The following GLI3 variants were observed in gnomAD, a reference collection of about 807,000 sequenced individuals.
The protein encoded by GLI3 is GLI family zinc finger 3, also known as transcription activator GLI3.
GLI3 carries 20 observed loss-of-function variants against 100.8 expected under a neutral mutation model. That is an observed-to-expected ratio of 0.20 (90% confidence interval 0.14 to 0.29). GLI3 has a LOEUF of 0.29. Among genes scored for constraint, GLI3 ranks in the 10% least tolerant of loss-of-function variants. The pLI, the probability that GLI3 is intolerant of heterozygous loss-of-function variation, is 1.00. For synonymous variants in GLI3, 938 were observed against 860.5 expected, an observed-to-expected ratio of 1.09 and a Z score of -1.58; for missense variants, 2,040 against 2,128.5, an observed-to-expected ratio of 0.96 and a Z score of 0.82.
At chr7:42,217,749 T>A (rs1478006157) in intron 2 of GLI3, among the ~76,000 whole-genome samples, 2 of 152,250 alleles carry the variant, frequency 1.3e-5, no homozygotes, top group Non-Finnish European at 2.9e-5. Flanking sequence ...TTTTCAGACA[T>A]CTGAGTCCAG....
intron 1 of GLI3, among the ~76,000 whole-genome samples, chr7:42,256,093 T>A (rs1789082028): frequency 6.6e-6 from 1 of 152,210 alleles, no homozygotes. Flanking sequence ...TCATTAGCCA[T>A]TTTCATATCT....
At chr7:42,217,943 G>C (rs893146335) in intron 2 of GLI3, among the ~76,000 whole-genome samples, 1 of 152,200 alleles carries the variant, frequency 6.6e-6, no homozygotes, top group Admixed American at 6.5e-5. Flanking sequence ...GGCAGCCTGT[G>C]AAGTGTGAAG....
chr7:42,099,902 T>C (rs1264305946), intron 3 of GLI3, among the ~76,000 whole-genome samples: 2 of 152,276 alleles, frequency 1.3e-5, no homozygotes, highest in African/African-American at 4.8e-5. Context: ...TGTGACAGCA[T>C]GCACATGCCA....
At chr7:42,167,853 A>G (rs1175743254) in intron 2 of GLI3, among the ~76,000 whole-genome samples, 1 of 152,214 alleles carries the variant, frequency 6.6e-6, no homozygotes, top group East Asian at 1.9e-4. Context: ...AAAATTTTTA[A>G]TGCCTTCTAT....
rs116028432 is a variant in GLI3 at position 42,006,060 on chromosome 7, C to G, written c.1497+17408G>C. ...CCACTTATCCCTAATTTGAATATATCATCCCTCAAAAGATAAAATAAGTTT... is the reference window on the plus strand; with the variant it reads ...CCACTTATCCCTAATTTGAATATATGATCCCTCAAAAGATAAAATAAGTTT... On this transcript the variant is annotated intron_variant, in intron 10 of 14. Coordinates refer to ENST00000395925, the MANE Select transcript of GLI3 (RefSeq NM_000168.6). 8.2e-3 allele frequency among the ~76,000 whole-genome samples: 1,242 copies of G among 152,232 alleles called. 23 individuals carry two copies. Among genetic ancestry groups the G allele is most frequent in the African/African-American group, 0.028 (1,180 of 41,546 alleles).
upstream of GLI3, among the ~76,000 whole-genome samples, chr7:42,237,312 C>T (rs1788828490): frequency 6.6e-6 from 1 of 151,858 alleles, no homozygotes; most frequent in African/African-American, 2.4e-5. Flanking sequence ...GACTCACAAG[C>T]CCTGAGTGAC....
intron 3 of GLI3, among the ~76,000 whole-genome samples, chr7:42,143,253 A>T (rs1257410190): frequency 6.6e-6 from 1 of 152,204 alleles, no homozygotes; most frequent in Non-Finnish European, 1.5e-5. Context: ...AAGGGCGGAA[A>T]AAAACAAAGC....
intron 10 of GLI3, among the ~76,000 whole-genome samples, chr7:42,006,905 A>G (rs1249758260): frequency 2.6e-5 from 4 of 152,132 alleles, no homozygotes. Context: ...TTCTTAATAC[A>G]TTTCAGGAGT....
At chr7:42,244,270 ACACATATTC>A (rs1485000187) in intron 1 of GLI3, among the ~76,000 whole-genome samples, 1 of 152,232 alleles carries the variant, frequency 6.6e-6, no homozygotes, top group Non-Finnish European at 1.5e-5. Flanking sequence ...ATCCAGAGAA[ACACATATTC>A]CACTTACTTT....
chr7:42,195,104 A>G (rs749377604), intron 2 of GLI3, among the ~76,000 whole-genome samples: 3 of 152,020 alleles, frequency 2.0e-5, no homozygotes, highest in African/African-American at 7.2e-5. Flanking sequence ...ACTGCCACCA[A>G]TGAAGTCTAA....
At chr7:42,231,009 C>G (rs903697214) in intron 1 of GLI3, among the ~76,000 whole-genome samples, 2 of 152,184 alleles carry the variant, frequency 1.3e-5, no homozygotes, top group Non-Finnish European at 2.9e-5. Flanking sequence ...TCTCGCTTCC[C>G]TGAGGCTTAT....
At chr7:42,039,623 G>C (rs1191889242) in intron 7 of GLI3, among the ~76,000 whole-genome samples, 1 of 152,128 alleles carries the variant, frequency 6.6e-6, no homozygotes, top group African/African-American at 2.4e-5. Context: ...CAGAGTTGTA[G>C]GACAAGACTT....
intron 1 of GLI3, among the ~76,000 whole-genome samples, chr7:42,257,545 C>T (rs189183222): frequency 1.3e-5 from 2 of 152,038 alleles, no homozygotes; most frequent in African/African-American, 2.4e-5. Context: ...GGGGTTTCAC[C>T]GTATTAGCCA....
intron 1 of GLI3, among the ~76,000 whole-genome samples, chr7:42,257,306 T>C (rs930541882): frequency 2.0e-5 from 3 of 151,908 alleles, no homozygotes; most frequent in Non-Finnish European, 2.9e-5. Context: ...CAATGTTGAA[T>C]GACAGCAGCA....
intron 10 of GLI3, among the ~76,000 whole-genome samples, chr7:42,017,507 TC>T (rs1788801691): frequency 6.7e-6 from 1 of 150,304 alleles, no homozygotes; most frequent in Non-Finnish European, 1.5e-5. Flanking sequence ...CCAAACTCCC[TC>T]CCAGGCTGAA....
intron 3 of GLI3, among the ~76,000 whole-genome samples, chr7:42,139,604 G>C (rs1019308585): frequency 6.6e-6 from 1 of 151,638 alleles, no homozygotes; most frequent in Non-Finnish European, 1.5e-5. Flanking sequence ...ACTTGAACCC[G>C]GGAAGCAGAG....
At chr7:42,143,440 AAG>A (rs1333820523) in intron 3 of GLI3, among the ~76,000 whole-genome samples, 1 of 152,226 alleles carries the variant, frequency 6.6e-6, no homozygotes, top group Non-Finnish European at 1.5e-5. Flanking sequence ...CTTGGATAGT[AAG>A]AGAGAGAAGT....
Position 41,972,324 on chromosome 7 carries a change from G to C in GLI3, c.2103+13C>G. The C allele has an allele frequency of 6.2e-7, 1 of 1,612,308 alleles. No individual in the cohort carries two copies. The highest frequency in any genetic ancestry group is 8.5e-7 in the Non-Finnish European group (1 of 1,178,614). ...GGCCTGCTGTGAAGTCAGAAGGAGA[G>C]TGAATGACATACCATTGGCTTCTCT... On this transcript the variant is annotated intron_variant, in intron 13 of 14. Transcript: ENST00000395925. The surrounding 1 kb of genome is among the most constrained non-coding windows in gnomAD (Gnocchi z 4.4).
intron 1 of GLI3, among the ~76,000 whole-genome samples, chr7:42,234,505 A>G (rs1026521276): frequency 1.3e-5 from 2 of 152,216 alleles, no homozygotes; most frequent in Non-Finnish European, 2.9e-5. Context: ...AACTCTACAG[A>G]GCCATTTTTC....
Sources: gnomAD v4.1 joint callset for allele counts (sites outside exome capture counted in the v4.1 genomes callset) on GRCh38, gnomAD v4.1.1 for gene constraint, Gnocchi (gnomAD v3.1) non-coding constraint, MANE v1.5 for transcripts, NCBI Gene and HGNC (gene_info 2026-07-23, HGNC 2026-07-21) for gene names.